The following PSMD1 variants were observed in gnomAD, a reference collection of about 807,000 sequenced individuals.
The protein encoded by PSMD1 is 26S proteasome non-ATPase regulatory subunit 1.
In PSMD1, 18 loss-of-function variants were observed where a neutral mutation model predicts 119.0. That is an observed-to-expected ratio of 0.15 (90% CI 0.10 to 0.22). The LOEUF (loss-of-function observed/expected upper bound fraction) is 0.22. Among genes scored for constraint, PSMD1 ranks in the 10% least tolerant of loss-of-function variants. The probability of loss-of-function intolerance (pLI) is 1.00; values close to 1 mark genes in which losing one functional copy is unlikely to be tolerated. For synonymous variants in PSMD1, 374 were observed against 396.6 expected (o/e 0.94, Z 0.68); for missense variants, 702 against 1,158.5 (o/e 0.61, Z 5.72).
At position 231,057,012 on chromosome 2, in the gene PSMD1, T is replaced by G; in HGVS notation, c.-14T>G. On this transcript the variant is annotated 5_prime_UTR_variant, in exon 1 of 25. Transcript: ENST00000308696. Reference sequence around the variant, plus strand: ...AACGGCGAGCGAGCCGACGGGCGAGTGAGGGGCGCAGCCATGATCACCTCG... The same window carrying G: ...AACGGCGAGCGAGCCGACGGGCGAGGGAGGGGCGCAGCCATGATCACCTCG... The G allele has an allele frequency of 6.5e-7, 1 of 1,538,710 alleles. No individual in the cohort carries two copies. The highest frequency in any genetic ancestry group is 8.7e-7 in the Non-Finnish European group (1 of 1,143,890).
chr2:231,130,386 C>G (rs372694452), intron 16 of PSMD1, among the ~76,000 whole-genome samples: 8 of 152,344 alleles, frequency 5.3e-5, no homozygotes, highest in African/African-American at 7.2e-5. Context: ...TCTTTCCTCT[C>G]CACTGCCCTT....
At chr2:231,100,173 T>C (rs113984687) in intron 16 of PSMD1, among the ~76,000 whole-genome samples, 81 of 152,190 alleles carry the variant, frequency 5.3e-4, no homozygotes, top group African/African-American at 1.8e-3. Flanking sequence ...TTGTTACATA[T>C]AAAGTTTCGA....
Position 231,146,304 on chromosome 2 carries a change from T to A in PSMD1, c.2063T>A (p.Leu688His). ...GTGAACTACGTGAGGCAAGGGGCAC[T>A]CATAGCTTCAGCTCTCATCATGATC... ...DPVNYVRQGA[L>H]IASALIMIQQ... Residue 688 changes from leucine (L) to histidine (H), a missense_variant, in exon 18 of 25, where the codon CTC becomes CAC. By Grantham distance (99) the Leu-to-His change is moderately conservative (BLOSUM62 -3). Around this residue, in one of 9 missense-constraint regions of PSMD1, gnomAD observed 272 missense variants for 511.6 expected, o/e 0.53. Coordinates refer to ENST00000308696, the MANE Select transcript of PSMD1 (RefSeq NM_002807.4). 1 of 1,613,964 alleles carries A rather than the reference T, an allele frequency of 6.2e-7. No individual in the cohort carries two copies. The highest frequency in any genetic ancestry group is 8.5e-7 in the Non-Finnish European group (1 of 1,179,874).
intron 17 of PSMD1, among the ~76,000 whole-genome samples, chr2:231,139,306 TTTTC>T (rs1408532909): frequency 7.0e-6 from 1 of 142,618 alleles, no homozygotes; most frequent in Admixed American, 7.0e-5. Context: ...ACCAGGCTTT[TTTTC>T]TTTCTTTTTT....
chr2:231,159,823 G>T (rs548823123), intron 19 of PSMD1, among the ~76,000 whole-genome samples: 10 of 152,276 alleles, frequency 6.6e-5, no homozygotes, highest in Admixed American at 2.0e-4. Context: ...ACGGGGGTGG[G>T]GTGGTTTCAG....
In PSMD1 at chr2:231,108,762, C is replaced by G. The variant is rs865839831; in HGVS notation, c.1883+21581C>G. 4.3e-6 allele frequency: 7 copies of G among 1,614,070 alleles called. No individual in the cohort carries two copies. In the Middle Eastern group the frequency reaches 9.9e-4, roughly 228 times the overall value. On this transcript the variant is annotated intron_variant, in intron 16 of 24. Transcript: ENST00000308696. ...CTGAGAGTTTTTACTGACTTTGTGG[C>G]CCGGTAATTGCAGGTGATATATCGG...
chr2:231,116,925 A>G (rs1273028029), intron 16 of PSMD1, among the ~76,000 whole-genome samples: 1 of 152,108 alleles, frequency 6.6e-6, no homozygotes, highest in Non-Finnish European at 1.5e-5. Flanking sequence ...TAAAAGAAAA[A>G]GATAACTGCA....
chr2:231,137,031 CATATATAA>C, intron 16 of PSMD1, among the ~76,000 whole-genome samples: 1 of 134,298 alleles, frequency 7.4e-6, no homozygotes, highest in South Asian at 2.4e-4. Context: ...ATTTATGTAC[CATATATAA>C]TTATATAATA....
At chr2:231,061,174 T>C (rs112696225) in intron 1 of PSMD1, 93 bp from the exon 2 acceptor site, 11 of 926,696 alleles carry the variant, frequency 1.2e-5, no homozygotes, top group African/African-American at 1.0e-4. Context: ...TCAAAAAAAT[T>C]GTTTTTCAGC....
intron 16 of PSMD1, chr2:231,109,120 C>T (rs555450754): frequency 6.2e-7 from 1 of 1,614,100 alleles, no homozygotes; most frequent in South Asian, 1.1e-5. Context: ...CCAGCATTGC[C>T]ACCTTTTCCG....
At chr2:231,154,275 TAC>T (rs1259884851) in intron 19 of PSMD1, among the ~76,000 whole-genome samples, 251 of 150,904 alleles carry the variant, frequency 1.7e-3, no homozygotes, top group African/African-American at 5.7e-3. Flanking sequence ...CTACTAAAAA[TAC>T]AAAAAAATTA....
At chr2:231,086,592 G>C (rs1201860109) in intron 15 of PSMD1, among the ~76,000 whole-genome samples, 1 of 152,214 alleles carries the variant, frequency 6.6e-6, no homozygotes, top group African/African-American at 2.4e-5. Context: ...GGGAGGCAGA[G>C]GTTGCAGTGA....
At chr2:231,160,185 A>G (rs563150053) in intron 19 of PSMD1, among the ~76,000 whole-genome samples, 32 of 152,312 alleles carry the variant, frequency 2.1e-4, no homozygotes, top group African/African-American at 7.0e-4. Flanking sequence ...AATTTCAGTT[A>G]GGGTTAGAGG....
At chr2:231,118,149 C>A (rs1176326595) in intron 16 of PSMD1, among the ~76,000 whole-genome samples, 3 of 146,460 alleles carry the variant, frequency 2.0e-5, no homozygotes. Context: ...TATAGGATTT[C>A]TTTAATAGAG....
At chr2:231,113,804 G>C (rs1007538470) in intron 16 of PSMD1, 1 of 1,613,990 alleles carries the variant, frequency 6.2e-7, no homozygotes, top group African/African-American at 1.3e-5. Flanking sequence ...GCCTGGATTG[G>C]CTTTTTGATG....
At chr2:231,150,425 G>T (rs115712552) in intron 18 of PSMD1, among the ~76,000 whole-genome samples, 1 of 150,918 alleles carries the variant, frequency 6.6e-6, no homozygotes, top group South Asian at 2.1e-4. Context: ...CATATATATA[G>T]AGACATATAG....
chr2:231,125,473 T>C (rs751349393), intron 16 of PSMD1, among the ~76,000 whole-genome samples: 27 of 152,242 alleles, frequency 1.8e-4, no homozygotes, highest in African/African-American at 2.4e-4. Flanking sequence ...AAGATTCTTA[T>C]CTAGCTTTTG....
At chr2:231,166,194 T>A (rs958778066) in intron 23 of PSMD1, among the ~76,000 whole-genome samples, 177 bp downstream of exon 23, 3 of 152,198 alleles carry the variant, frequency 2.0e-5, no homozygotes, top group Non-Finnish European at 4.4e-5. Context: ...TTGGGAGAAT[T>A]TTTCTTTTCC....
At chr2:231,166,047 T>A in intron 23 of PSMD1, 30 bp downstream of exon 23, 1 of 1,568,294 alleles carries the variant, frequency 6.4e-7, no homozygotes, top group Non-Finnish European at 8.7e-7. Context: ...TAGCTGTATA[T>A]ACCAGTGGGA....
Sources: gnomAD v4.1 joint callset for allele counts (sites outside exome capture counted in the v4.1 genomes callset) on GRCh38, gnomAD v4.1.1 for gene constraint, gnomAD v4.1.1 regional missense constraint, MANE v1.5 for transcripts, NCBI Gene and HGNC (gene_info 2026-07-23, HGNC 2026-07-21) for gene names.